Variants in CALN1 observed in about 807,000 individuals in gnomAD.
The protein encoded by CALN1 is calcium-binding protein 8.
CALN1 carries 17 observed loss-of-function variants against 30.6 expected under a neutral mutation model. The ratio of observed to expected loss-of-function variants is 0.56; its 90% CI spans 0.38 to 0.83. The LOEUF (loss-of-function observed/expected upper bound fraction) is 0.83. Among genes scored for constraint, CALN1 ranks in the 40% least tolerant of loss-of-function variants. CALN1 has a pLI of 0.00. For missense variants in CALN1, 291 were observed against 354.9 expected (o/e 0.82, Z 1.45); for synonymous variants, 156 against 131.4 (o/e 1.19, Z -1.28).
At chr7:72,075,813 G>C (rs936149626) in intron 4 of CALN1, among the ~76,000 whole-genome samples, 3 of 152,148 alleles carry the variant, frequency 2.0e-5, no homozygotes, top group Non-Finnish European at 4.4e-5. Context: ...GGGAGGTTAG[G>C]TTTCAACAAA....
Position 71,931,846 on chromosome 7 carries a change from G to A in CALN1, c.501+91811C>T, listed in dbSNP as rs149782383. ...ATTTGTCTTCCCAAAGTGTAGAGGA[G>A]CCCAAAACTCATTTCTTAGACTTCT... On this transcript the variant is annotated intron_variant, in intron 5 of 6. Coordinates refer to ENST00000395275, the MANE Select transcript of CALN1 (RefSeq NM_031468.4). 6.3e-3 allele frequency among the ~76,000 whole-genome samples: 934 copies of A among 148,958 alleles called. 9 individuals carry two copies. Among genetic ancestry groups the A allele is most frequent in the African/African-American group, 0.021 (885 of 41,454 alleles).
chr7:72,372,470 T>C (rs1283896226), intron 2 of CALN1, among the ~76,000 whole-genome samples: 1 of 152,178 alleles, frequency 6.6e-6, no homozygotes, highest in Non-Finnish European at 1.5e-5. Context: ...AAATGGAAAG[T>C]ACTGATAAGA....
intron 5 of CALN1, among the ~76,000 whole-genome samples, chr7:71,950,139 T>C (rs1486541450): frequency 6.6e-6 from 1 of 152,180 alleles, no homozygotes; most frequent in Non-Finnish European, 1.5e-5. Context: ...TCCAATTCTT[T>C]GTTCGAGATG....
At chr7:71,868,370 C>CTT (rs11350119) in intron 5 of CALN1, among the ~76,000 whole-genome samples, 5 of 137,034 alleles carry the variant, frequency 3.6e-5, no homozygotes, top group African/African-American at 1.3e-4. Context: ...GTGCTACACA[C>CTT]TTTTTTTTTT....
chr7:72,014,802 C>T (rs544023546), intron 5 of CALN1, among the ~76,000 whole-genome samples: 3 of 152,100 alleles, frequency 2.0e-5, no homozygotes, highest in Non-Finnish European at 4.4e-5. Context: ...CCTGGGACTA[C>T]AGGCATGTCC....
intron 2 of CALN1, among the ~76,000 whole-genome samples, chr7:72,282,059 A>C (rs771361465): frequency 6.6e-6 from 1 of 152,236 alleles, no homozygotes; most frequent in Non-Finnish European, 1.5e-5. Flanking sequence ...ATATAGATAT[A>C]TAAAGTCATG....
intron 5 of CALN1, among the ~76,000 whole-genome samples, chr7:72,017,152 A>G (rs1236045203): frequency 6.9e-6 from 1 of 145,090 alleles, no homozygotes; most frequent in African/African-American, 2.6e-5. Flanking sequence ...CAACAGAGAG[A>G]GACTCTGTCT....
Position 72,118,158 on chromosome 7 carries a change from T to A in CALN1, c.245-11864A>T, listed in dbSNP as rs1471823888. On this transcript the variant is annotated intron_variant, in intron 3 of 6. Coordinates refer to ENST00000395275, the MANE Select transcript of CALN1 (RefSeq NM_031468.4). ...ACCTCATAGCCAAAACCACATTTTT[T>A]AATTAAAACATGAATCTGACTCCTT... 2.0e-5 allele frequency among the ~76,000 whole-genome samples: 3 copies of A among 152,266 alleles called. No individual in the cohort carries two copies. In the East Asian group the frequency reaches 5.8e-4, roughly 29 times the overall value.
intron 4 of CALN1, among the ~76,000 whole-genome samples, chr7:72,025,039 G>C (rs148743551): frequency 6.6e-6 from 1 of 152,052 alleles, no homozygotes; most frequent in Non-Finnish European, 1.5e-5. Context: ...GGCCAGGTGC[G>C]GTGGCTCATG....
chr7:72,086,186 C>T lies in CALN1; in HGVS notation c.388+19965G>A, dbSNP rs181906231. Among the ~76,000 whole-genome samples, 798 of 152,180 alleles carry T rather than the reference C, an allele frequency of 5.2e-3. 27 individuals are homozygous for T. The highest frequency in any genetic ancestry group is 2.1e-3 in the Non-Finnish European group (141 of 68,016). ...TTGGATCCACTAAAGAAAATGATCA[C>T]TTGTGTACATTAATGAACGTGACAT... On this transcript the variant is annotated intron_variant, in intron 4 of 6. Coordinates refer to ENST00000395275, the MANE Select transcript of CALN1 (RefSeq NM_031468.4).
intron 3 of CALN1, among the ~76,000 whole-genome samples, chr7:72,237,875 T>C (rs1025739830): frequency 1.3e-5 from 2 of 152,154 alleles, no homozygotes; most frequent in Non-Finnish European, 2.9e-5. Flanking sequence ...AATGTTACCA[T>C]GGAAAATGGA....
intron 4 of CALN1, among the ~76,000 whole-genome samples, chr7:72,100,326 C>T (rs1486313454): frequency 2.6e-5 from 4 of 151,936 alleles, no homozygotes; most frequent in African/African-American, 7.2e-5. Context: ...GGATTACAGA[C>T]GTGTACCACT....
At chr7:72,468,593 C>T in the CALN1 span, among the ~76,000 whole-genome samples, 6 of 152,206 alleles carry the variant, frequency 3.9e-5, no homozygotes, top group Non-Finnish European at 8.8e-5. Context: ...GTATTAAAGG[C>T]ATGAACCACC....
intron 3 of CALN1, among the ~76,000 whole-genome samples, chr7:72,273,242 G>A (rs1365270683): frequency 7.2e-5 from 11 of 151,916 alleles, no homozygotes; most frequent in Admixed American, 5.9e-4. Context: ...GACCAGCCTC[G>A]ACTACCCTGT....
chr7:72,148,297 C>T (rs989296490), intron 3 of CALN1, among the ~76,000 whole-genome samples: 2 of 149,052 alleles, frequency 1.3e-5, no homozygotes, highest in Non-Finnish European at 3.0e-5. Context: ...GGGCCAGGTG[C>T]AGTGGCTCAC....
intron 5 of CALN1, among the ~76,000 whole-genome samples, chr7:71,891,957 TAA>T (rs61692856): frequency 2.0e-5 from 2 of 101,916 alleles, no homozygotes; most frequent in Admixed American, 1.8e-4. Context: ...AATAAATAAA[TAA>T]AAAAAAAAAT....
At chr7:71,897,483 C>T (rs1793592979) in intron 5 of CALN1, among the ~76,000 whole-genome samples, 1 of 152,022 alleles carries the variant, frequency 6.6e-6, no homozygotes, top group African/African-American at 2.4e-5. Context: ...TCTTCCTGTC[C>T]AAGGATAAAA....
chr7:72,002,332 C>T (rs1276495528), intron 5 of CALN1, among the ~76,000 whole-genome samples: 3 of 152,232 alleles, frequency 2.0e-5, no homozygotes, highest in South Asian at 4.1e-4. Context: ...TACAGTTGGA[C>T]AAAAATCACC....
chr7:72,165,619 CAAAG>C (rs1286149894), intron 3 of CALN1, among the ~76,000 whole-genome samples: 2 of 151,788 alleles, frequency 1.3e-5, no homozygotes, highest in African/African-American at 4.8e-5. Flanking sequence ...AACAAGCAAA[CAAAG>C]AAAAGCGAAA....
Sources: allele counts gnomAD v4.1 joint callset (sites outside exome capture counted in the v4.1 genomes callset), GRCh38; gene constraint gnomAD v4.1.1; transcripts MANE v1.5; gene names NCBI Gene and HGNC (gene_info 2026-07-23, HGNC 2026-07-21).